Variants in ABHD17B observed in about 807,000 individuals in gnomAD.
ABHD17B encodes abhydrolase domain containing 17B, depalmitoylase, also known as alpha/beta hydrolase domain-containing protein 17B.
ABHD17B carries 9 observed loss-of-function variants against 26.2 expected under a neutral mutation model. The observed-to-expected ratio is 0.34, with a 90% confidence interval of 0.21 to 0.60. The LOEUF is 0.60. ABHD17B is among the 20% of genes least tolerant of loss of function. ABHD17B has a pLI of 0.80. For missense variants in ABHD17B, 224 were observed against 352.1 expected, an observed-to-expected ratio of 0.64 and a Z score of 2.91; for synonymous variants, 127 against 122.3, an observed-to-expected ratio of 1.04 and a Z score of -0.25.
At chr9:71,894,611 T>C (rs530451540) in intron 1 of ABHD17B, among the ~76,000 whole-genome samples, 1 of 152,204 alleles carries the variant, frequency 6.6e-6, no homozygotes, top group Non-Finnish European at 1.5e-5. Flanking sequence ...TCTAAAAGCA[T>C]GGAAATGTAT....
intron 1 of ABHD17B, among the ~76,000 whole-genome samples, 168 bp from the exon 2 acceptor site, chr9:71,875,251 G>C (rs538390442): frequency 6.8e-6 from 1 of 147,716 alleles, no homozygotes; most frequent in South Asian, 2.1e-4. Context: ...TTGAGACGGA[G>C]TTTCACTCTT....
chr9:71,894,453 T>C (rs1225927407), intron 1 of ABHD17B, among the ~76,000 whole-genome samples: 1 of 152,126 alleles, frequency 6.6e-6, no homozygotes, highest in Non-Finnish European at 1.5e-5. Flanking sequence ...TCAAGTAGGC[T>C]CTGCCTCAGC....
chr9:71,899,046 C>T (rs1448627299), intron 1 of ABHD17B, among the ~76,000 whole-genome samples: 1 of 151,976 alleles, frequency 6.6e-6, no homozygotes, highest in East Asian at 1.9e-4. Context: ...ATAGCTTGAA[C>T]CCGGTAGGCA....
intron 2 of ABHD17B, among the ~76,000 whole-genome samples, chr9:71,873,408 T>C (rs1826168683): frequency 6.6e-6 from 1 of 151,584 alleles, no homozygotes; most frequent in Admixed American, 6.6e-5. Context: ...TTAAAACTTC[T>C]TTTTTTTTAA....
chr9:71,865,477 G>C lies in ABHD17B; in HGVS notation c.*1310C>G. On this transcript the variant is annotated 3_prime_UTR_variant, in exon 4 of 4. Coordinates refer to ENST00000333421, the MANE Select transcript of ABHD17B (RefSeq NM_001025780.3). Reference sequence around the variant, plus strand: ...TTTTACTATATTGGTTAATATAAAAGTTATGAATTAAACGTATTCTTATCT... The same window carrying C: ...TTTTACTATATTGGTTAATATAAAACTTATGAATTAAACGTATTCTTATCT... 1.0e-6 allele frequency: 1 copy of C among 983,370 alleles called. No homozygotes were observed. Among genetic ancestry groups the C allele is most frequent in the Non-Finnish European group, 1.2e-6 (1 of 828,060 alleles). The allele number at this position is 983,370 out of a possible 1,614,324, so 60.9% of individuals were successfully genotyped here. A position where few individuals can be genotyped will look rare whatever the true frequency, so the allele number is the denominator to read the frequency against.
In ABHD17B at chr9:71,865,200, A is replaced by G; in HGVS notation, c.*1587T>C. On this transcript the variant is annotated 3_prime_UTR_variant, in exon 4 of 4. Coordinates refer to ENST00000333421, the MANE Select transcript of ABHD17B (RefSeq NM_001025780.3). ...CTGTTAATTTGACACATCTGAACCA[A>G]AGCATTCACAATACTTGATATACTT... 1.0e-6 allele frequency: 1 copy of G among 985,576 alleles called. No individual in the cohort carries two copies. Among genetic ancestry groups the G allele is most frequent in the Non-Finnish European group, 1.2e-6 (1 of 829,922 alleles). 61.1% of individuals were successfully genotyped at this position (985,576 alleles called of 1,614,324 possible).
chr9:71,864,989 G>A (rs144276061), downstream of ABHD17B, among the ~76,000 whole-genome samples: 569 of 152,234 alleles, frequency 3.7e-3, 3 homozygotes, highest in Middle Eastern at 0.014. Context: ...AGAAGAAACT[G>A]TATAGGTTAC....
At chr9:71,897,798 T>C (rs955823542) in intron 1 of ABHD17B, among the ~76,000 whole-genome samples, 1 of 152,206 alleles carries the variant, frequency 6.6e-6, no homozygotes, top group Admixed American at 6.5e-5. Flanking sequence ...CTGTCATCTC[T>C]ACCACTTCCT....
intron 1 of ABHD17B, among the ~76,000 whole-genome samples, chr9:71,907,364 T>TAA (rs1230943392): frequency 6.6e-6 from 1 of 152,130 alleles, no homozygotes; most frequent in Non-Finnish European, 1.5e-5. Flanking sequence ...TATATATATA[T>TAA]AATGTTCATA....
chr9:71,872,654 G>T (rs1275945988), intron 2 of ABHD17B, among the ~76,000 whole-genome samples: 1 of 151,948 alleles, frequency 6.6e-6, no homozygotes, highest in Non-Finnish European at 1.5e-5. Context: ...ACTCAATAAA[G>T]CTATTTTTTT....
chr9:71,873,998 C>T (rs1048462617), intron 2 of ABHD17B, among the ~76,000 whole-genome samples: 8 of 152,056 alleles, frequency 5.3e-5, no homozygotes, highest in African/African-American at 1.9e-4. Context: ...CAAATCTTGG[C>T]TTAAGATTTT....
At chr9:71,909,676 G>A (rs183160916) in intron 1 of ABHD17B, among the ~76,000 whole-genome samples, 44 of 152,266 alleles carry the variant, frequency 2.9e-4, no homozygotes, top group African/African-American at 9.6e-4. Flanking sequence ...ATCATCTATA[G>A]ATCAAGCATC....
chr9:71,864,160 T>A (rs1219341166), downstream of ABHD17B, among the ~76,000 whole-genome samples: 1 of 150,792 alleles, frequency 6.6e-6, no homozygotes, highest in African/African-American at 2.4e-5. Flanking sequence ...GGGTTCACCA[T>A]GCCATCTGTA....
chr9:71,894,175 A>C (rs1239083474), intron 1 of ABHD17B, among the ~76,000 whole-genome samples: 1 of 151,974 alleles, frequency 6.6e-6, no homozygotes, highest in Admixed American at 6.6e-5. Context: ...GACACAACAC[A>C]AGAATGAAGA....
downstream of ABHD17B, among the ~76,000 whole-genome samples, chr9:71,864,272 T>G (rs1288815179): frequency 7.9e-6 from 1 of 126,300 alleles, no homozygotes; most frequent in African/African-American, 3.0e-5. Flanking sequence ...CAGGCTGGAG[T>G]GCAGTGGTGC....
At chr9:71,907,943 T>G (rs1027262551) in intron 1 of ABHD17B, among the ~76,000 whole-genome samples, 1 of 152,222 alleles carries the variant, frequency 6.6e-6, no homozygotes, top group African/African-American at 2.4e-5. Context: ...ACAAAACTCT[T>G]GGGCATGAAC....
intron 1 of ABHD17B, among the ~76,000 whole-genome samples, chr9:71,889,277 A>C (rs1366297247): frequency 1.3e-5 from 2 of 151,258 alleles, no homozygotes; most frequent in Non-Finnish European, 2.9e-5. Context: ...AGATTGCACC[A>C]CTGCACTCCA....
chr9:71,865,040 T>A, downstream of ABHD17B: 1 of 448,204 alleles, frequency 2.2e-6, no homozygotes, highest in Non-Finnish European at 2.9e-6. Context: ...AAAAAAGTGA[T>A]GATATAATTT....
chr9:71,893,818 G>A (rs769809186), intron 1 of ABHD17B, among the ~76,000 whole-genome samples: 5 of 152,204 alleles, frequency 3.3e-5, no homozygotes, highest in South Asian at 2.1e-4. Flanking sequence ...GGCCGGGCGC[G>A]GTGGCTCACG....
Sources: allele counts gnomAD v4.1 joint callset (sites outside exome capture counted in the v4.1 genomes callset), GRCh38; gene constraint gnomAD v4.1.1; transcripts MANE v1.5; gene names NCBI Gene and HGNC (gene_info 2026-07-23, HGNC 2026-07-21).